EEPD1: variants seen among roughly 807,000 people sequenced by gnomAD.
The protein encoded by EEPD1 is endonuclease/exonuclease/phosphatase family domain-containing protein 1.
EEPD1 carries 17 observed loss-of-function variants against 46.3 expected under a neutral mutation model. The ratio of observed to expected loss-of-function variants is 0.37; its 90% CI spans 0.25 to 0.55. EEPD1 has a LOEUF of 0.55. EEPD1 is among the 20% of genes least tolerant of loss of function. EEPD1 has a pLI of 0.83. For missense variants in EEPD1, 673 were observed against 745.6 expected, an observed-to-expected ratio of 0.90 and a Z score of 1.13; for synonymous variants, 313 against 315.6, an observed-to-expected ratio of 0.99 and a Z score of 0.09.
At chr7:36,186,508 G>C (rs994885235) in intron 2 of EEPD1, among the ~76,000 whole-genome samples, 2 of 152,158 alleles carry the variant, frequency 1.3e-5, no homozygotes, top group Non-Finnish European at 2.9e-5. Context: ...GCTCATTCAA[G>C]GACAGCAAAA....
In EEPD1 at chr7:36,154,295, G is replaced by T; in HGVS notation, c.-30G>T. The T allele has an allele frequency of 6.3e-7, 1 of 1,588,746 alleles. No homozygotes were observed. The highest frequency in any genetic ancestry group is 8.5e-7 in the Non-Finnish European group (1 of 1,172,130). On this transcript the variant is annotated 5_prime_UTR_variant, in exon 2 of 8. Transcript: ENST00000242108. The surrounding 1 kb of genome is among the most constrained non-coding windows in gnomAD (Gnocchi z 4.2). ...CAGAGAGCTCTTCTGCAGTGGTGCG[G>T]CCTTCCCGGGAGCCTGATCCTGGCG...
At chr7:36,190,525 C>T (rs1363107543) in intron 2 of EEPD1, among the ~76,000 whole-genome samples, 6 of 152,178 alleles carry the variant, frequency 3.9e-5, no homozygotes, top group African/African-American at 1.2e-4. Flanking sequence ...CAGTCCTTGC[C>T]TGACTTTTCA....
At chr7:36,254,921 C>T (rs571380808) in intron 3 of EEPD1, among the ~76,000 whole-genome samples, 90 of 152,122 alleles carry the variant, frequency 5.9e-4, no homozygotes, top group African/African-American at 2.1e-3. Flanking sequence ...GTTTTTTGGC[C>T]GCATAAATGT....
At position 36,249,010 on chromosome 7, in the gene EEPD1, C is replaced by CACACACACACACACACAG. The variant is rs1169509665; in HGVS notation, c.930+9991_930+9992insGACACACACACACACACA. ...GGTTCATTAAACACACACACACACA[C>CACACACACACACACACAG]ACACACACACACACACACACACACA... On this transcript the variant is annotated intron_variant, in intron 3 of 7. Coordinates refer to ENST00000242108, the MANE Select transcript of EEPD1 (RefSeq NM_030636.3). 1.3e-4 allele frequency among the ~76,000 whole-genome samples: 20 copies of CACACACACACACACACAG among 151,522 alleles called. No individual in the cohort carries two copies. The South Asian group carries it at 4.2e-3, about 32-fold the overall frequency.
intron 5 of EEPD1, 75 bp from the exon 6 acceptor site, chr7:36,287,564 A>T: frequency 6.4e-7 from 1 of 1,550,400 alleles, no homozygotes; most frequent in East Asian, 2.3e-5. Context: ...AAAGCTATTT[A>T]TGAGTCGGTT....
rs185111507 is a variant in EEPD1, at chr7:36,209,902, G to T, written c.879-29083G>T. Among the ~76,000 whole-genome samples the T allele has an allele frequency of 5.4e-3, 827 of 152,224 alleles. 4 individuals carry two copies. Among genetic ancestry groups the T allele is most frequent in the Non-Finnish European group, 8.3e-3 (564 of 68,012 alleles). ...ACATTTCAGCACGAGATTTGTTGGG[G>T]GGCAAACATCCAAACTATATCAGGC... On this transcript the variant is annotated intron_variant, in intron 2 of 7. Transcript: ENST00000242108.
chr7:36,250,780 T>A (rs1283003374), intron 3 of EEPD1, among the ~76,000 whole-genome samples: 1 of 152,202 alleles, frequency 6.6e-6, no homozygotes, highest in Non-Finnish European at 1.5e-5. Flanking sequence ...CATATAGAGG[T>A]ACTCATTGAG....
intron 2 of EEPD1, among the ~76,000 whole-genome samples, chr7:36,166,283 G>T (rs1370245817): frequency 6.6e-6 from 1 of 152,222 alleles, no homozygotes; most frequent in Non-Finnish European, 1.5e-5. Flanking sequence ...AACAAAAAAT[G>T]CAAGTAGTTG....
At chr7:36,257,804 A>G (rs1004833613) in intron 3 of EEPD1, among the ~76,000 whole-genome samples, 2 of 152,144 alleles carry the variant, frequency 1.3e-5, no homozygotes, top group African/African-American at 4.8e-5. Context: ...GTTATTACCC[A>G]CCTTCTGAAG....
chr7:36,185,826 G>A (rs182272130), intron 2 of EEPD1, among the ~76,000 whole-genome samples: 122 of 152,312 alleles, frequency 8.0e-4, no homozygotes, highest in African/African-American at 2.9e-3. Flanking sequence ...GGTAAGCTTT[G>A]CAGACATTGT....
chr7:36,266,332 C>T (rs556485843), intron 3 of EEPD1, among the ~76,000 whole-genome samples: 4 of 152,278 alleles, frequency 2.6e-5, no homozygotes, highest in Admixed American at 1.3e-4. Flanking sequence ...CATTCCTCTC[C>T]TAGGTGCTCA....
intron 2 of EEPD1, among the ~76,000 whole-genome samples, chr7:36,162,780 C>T (rs1435992767): frequency 6.6e-6 from 1 of 152,180 alleles, no homozygotes; most frequent in Non-Finnish European, 1.5e-5. Flanking sequence ...CAGCCGTTAC[C>T]TGATTAAGCT....
chr7:36,236,593 G>A (rs1359582356), intron 2 of EEPD1, among the ~76,000 whole-genome samples: 1 of 152,220 alleles, frequency 6.6e-6, no homozygotes, highest in Admixed American at 6.5e-5. Flanking sequence ...GGTGAAGCTG[G>A]CTGGGCTTCT....
chr7:36,278,864 C>G (rs1787219270), intron 3 of EEPD1, among the ~76,000 whole-genome samples: 1 of 152,216 alleles, frequency 6.6e-6, no homozygotes, highest in African/African-American at 2.4e-5. Context: ...CCCACCCTCT[C>G]CGCCTTCCCC....
chr7:36,197,356 G>A (rs1197509302), intron 2 of EEPD1, among the ~76,000 whole-genome samples: 23 of 150,868 alleles, frequency 1.5e-4, no homozygotes, highest in Admixed American at 3.9e-4. Context: ...CTGCCCGGCC[G>A]CCCCTACTGG....
chr7:36,180,882 G>A (rs1785260248), intron 2 of EEPD1, among the ~76,000 whole-genome samples: 1 of 147,928 alleles, frequency 6.8e-6, no homozygotes, highest in Non-Finnish European at 1.5e-5. Context: ...CTGGACTTCT[G>A]CATCAGGGTC....
chr7:36,229,864 T>C (rs1033950262), intron 2 of EEPD1, among the ~76,000 whole-genome samples: 1 of 152,064 alleles, frequency 6.6e-6, no homozygotes, highest in African/African-American at 2.4e-5. Context: ...CTGGACTGTC[T>C]TCTCTGTCCT....
Position 36,153,482 on chromosome 7 carries a change from C to T in EEPD1, c.-385C>T, listed in dbSNP as rs2115579392. ...TTCTATTCACTCTGGGAGAGCGATGCTAAGTTTCTCCCATAGAAAGAGCCG... is the reference window on the plus strand; with the variant it reads ...TTCTATTCACTCTGGGAGAGCGATGTTAAGTTTCTCCCATAGAAAGAGCCG... On this transcript the variant is annotated 5_prime_UTR_variant, in exon 1 of 8. Coordinates refer to ENST00000242108, the MANE Select transcript of EEPD1 (RefSeq NM_030636.3). 1 of 152,342 alleles carries T rather than the reference C, an allele frequency of 6.6e-6. No individual in the cohort carries two copies. The highest frequency in any genetic ancestry group is 1.9e-4 in the East Asian group (1 of 5,174). 9.4% of individuals were successfully genotyped at this position (152,342 alleles called of 1,614,324 possible).
At chr7:36,195,075 G>A (rs371790541) in intron 2 of EEPD1, among the ~76,000 whole-genome samples, 10 of 152,282 alleles carry the variant, frequency 6.6e-5, no homozygotes, top group African/African-American at 2.2e-4. Flanking sequence ...GGTGTCATGG[G>A]TGCTCACTCT....
Sources: gnomAD v4.1 joint callset for allele counts (sites outside exome capture counted in the v4.1 genomes callset) on GRCh38, gnomAD v4.1.1 for gene constraint, Gnocchi (gnomAD v3.1) non-coding constraint, MANE v1.5 for transcripts, NCBI Gene and HGNC (gene_info 2026-07-23, HGNC 2026-07-21) for gene names.